TXLNB: variants seen among roughly 807,000 people sequenced by gnomAD.
TXLNB encodes the protein taxilin beta, also known as beta-taxilin.
A neutral mutation model predicts 57.4 loss-of-function variants in TXLNB; 37 were observed. That is an observed-to-expected ratio of 0.64 (90% confidence interval 0.50 to 0.85). The LOEUF is 0.85. TXLNB is among the 40% of genes least tolerant of loss of function. The pLI is 0.00. For synonymous variants in TXLNB, 302 were observed against 309.6 expected (o/e 0.98, Z 0.26); for missense variants, 848 against 825.6 (o/e 1.03, Z -0.33).
the TXLNB span, among the ~76,000 whole-genome samples, chr6:139,225,283 A>T: frequency 1.3e-5 from 2 of 152,186 alleles, no homozygotes; most frequent in African/African-American, 4.8e-5. Flanking sequence ...TAAGAAGCCC[A>T]GTATCACCAT....
At chr6:139,217,847 C>T in the TXLNB span, among the ~76,000 whole-genome samples, 55 of 120,780 alleles carry the variant, frequency 4.6e-4, no homozygotes, top group Admixed American at 7.8e-4. Context: ...CCAGCCTGGG[C>T]GACAGAGCAA....
the TXLNB span, among the ~76,000 whole-genome samples, chr6:139,196,565 G>C: frequency 6.7e-6 from 1 of 148,852 alleles, no homozygotes; most frequent in African/African-American, 2.5e-5. Context: ...TAGTAGAGAT[G>C]GGATTTCACT....
the TXLNB span, among the ~76,000 whole-genome samples, chr6:139,165,584 C>CTT: frequency 2.3e-4 from 32 of 138,222 alleles, no homozygotes; most frequent in Middle Eastern, 3.8e-3. Flanking sequence ...GTGGCAACCA[C>CTT]TTTTTTTTTT....
At chr6:139,229,198 C>T in the TXLNB span, among the ~76,000 whole-genome samples, 2 of 152,172 alleles carry the variant, frequency 1.3e-5, no homozygotes, top group African/African-American at 4.8e-5. Context: ...GGACAGATGA[C>T]CCAATACCAT....
the TXLNB span, among the ~76,000 whole-genome samples, chr6:139,304,254 T>C: frequency 1.3e-5 from 2 of 152,216 alleles, no homozygotes; most frequent in African/African-American, 4.8e-5. Context: ...AAATGAATAA[T>C]GCTATAAATA....
At chr6:139,205,715 G>C in the TXLNB span, among the ~76,000 whole-genome samples, 5 of 152,174 alleles carry the variant, frequency 3.3e-5, no homozygotes, top group Non-Finnish European at 7.3e-5. Context: ...AATATTTGGT[G>C]TTCCAGAGGA....
chr6:139,304,955 A>G, the TXLNB span, among the ~76,000 whole-genome samples: 1 of 152,130 alleles, frequency 6.6e-6, no homozygotes, highest in Admixed American at 6.5e-5. Flanking sequence ...TTGTGTGTAA[A>G]TCTTGTTTTT....
At chr6:139,167,568 A>G in the TXLNB span, among the ~76,000 whole-genome samples, 1 of 152,092 alleles carries the variant, frequency 6.6e-6, no homozygotes, top group Non-Finnish European at 1.5e-5. Flanking sequence ...TGAAGAAAGG[A>G]TTGCCGGTGT....
In TXLNB at chr6:139,241,036, T is replaced by C. The variant is rs1200943885; in HGVS notation, c.*1490A>G. 1 of 152,362 alleles carries C rather than the reference T, an allele frequency of 6.6e-6. No individual in the cohort carries two copies. Among genetic ancestry groups the C allele is most frequent in the African/African-American group, 2.4e-5 (1 of 41,470 alleles). The allele number at this position is 152,362 out of a possible 1,614,324, so 9.4% of individuals were successfully genotyped here. A position where few individuals can be genotyped will look rare whatever the true frequency, so the allele number is the denominator to read the frequency against. The stretch of plus-strand genomic sequence containing the variant: ...CCCTCTCTTCTTTCCTGTTTCATTG[T>C]TGCAGCTATCCTTTACCCTAGGTAA... On this transcript the variant is annotated 3_prime_UTR_variant, in exon 10 of 10. Transcript: ENST00000358430.
the TXLNB span, among the ~76,000 whole-genome samples, chr6:139,160,245 T>C: frequency 1.8e-4 from 28 of 152,328 alleles, no homozygotes; most frequent in Non-Finnish European, 3.8e-4. Context: ...GGAAGGTTTA[T>C]ATACTTTTTT....
At chr6:139,193,830 A>ATATG in the TXLNB span, among the ~76,000 whole-genome samples, 1 of 55,646 alleles carries the variant, frequency 1.8e-5, no homozygotes, top group Non-Finnish European at 3.7e-5. Context: ...ATTTATATAT[A>ATATG]TATATATATA....
chr6:139,241,309 T>C lies in TXLNB; in HGVS notation c.*1217A>G, dbSNP rs1775927860. 1 of 151,986 alleles carries C rather than the reference T, an allele frequency of 6.6e-6. No homozygotes were observed. Among genetic ancestry groups the C allele is most frequent in the African/African-American group, 2.4e-5 (1 of 41,336 alleles). The allele number at this position is 151,986 out of a possible 1,614,324, so 9.4% of individuals were successfully genotyped here. On this transcript the variant is annotated 3_prime_UTR_variant, in exon 10 of 10. Transcript: ENST00000358430. ...TGAGACCCAGTGTAGATTTGTGTTT[T>C]GGAAAAACAATAGCTTTATTTAGCA...
At chr6:139,293,679 C>T (rs537952483), upstream of TXLNB, among the ~76,000 whole-genome samples, 6 of 151,692 alleles carry the variant, frequency 4.0e-5, no homozygotes, top group Non-Finnish European at 7.4e-5. Context: ...TGAAAACATC[C>T]CACCCCCAGT....
At chr6:139,321,366 G>C in the TXLNB span, among the ~76,000 whole-genome samples, 3 of 152,110 alleles carry the variant, frequency 2.0e-5, no homozygotes, top group African/African-American at 7.2e-5. Context: ...GATAAAGTGA[G>C]AAGTCACCAT....
chr6:139,225,291 CA>C, the TXLNB span, among the ~76,000 whole-genome samples: 5 of 152,052 alleles, frequency 3.3e-5, no homozygotes, highest in Admixed American at 6.5e-5. Flanking sequence ...CCAGTATCAC[CA>C]TAAACATTCA....
the TXLNB span, among the ~76,000 whole-genome samples, chr6:139,170,891 G>A: frequency 6.6e-6 from 1 of 152,028 alleles, no homozygotes; most frequent in African/African-American, 2.4e-5. Flanking sequence ...GGAGATAAAA[G>A]GTGTGGACAG....
the TXLNB span, among the ~76,000 whole-genome samples, chr6:139,304,553 A>G: frequency 6.6e-6 from 1 of 152,238 alleles, no homozygotes; most frequent in Non-Finnish European, 1.5e-5. Flanking sequence ...AAGCCTGCTC[A>G]TGTGAGCTGA....
the TXLNB span, among the ~76,000 whole-genome samples, chr6:139,204,055 T>C: frequency 1.3e-5 from 1 of 79,062 alleles, no homozygotes. Context: ...AATGTCCTAA[T>C]TTTTTTTTTT....
chr6:139,226,694 A>C, the TXLNB span, among the ~76,000 whole-genome samples: 5 of 152,194 alleles, frequency 3.3e-5, no homozygotes, highest in African/African-American at 9.7e-5. Flanking sequence ...ACTATAGAAA[A>C]AGGTGCTCAA....
Sources: allele counts gnomAD v4.1 joint callset (sites outside exome capture counted in the v4.1 genomes callset), GRCh38; gene constraint gnomAD v4.1.1; transcripts MANE v1.5; gene names NCBI Gene and HGNC (gene_info 2026-07-23, HGNC 2026-07-21).